CHD8: variants seen among roughly 807,000 people sequenced by gnomAD.
CHD8 encodes the protein ATP-dependent chromatin remodeler CHD8.
CHD8 carries 31 observed loss-of-function variants against 279.2 expected under a neutral mutation model. The observed-to-expected ratio is 0.11, with a 90% confidence interval of 0.08 to 0.15. CHD8 has a LOEUF of 0.15. Ranked by LOEUF, CHD8 falls within the 10% of genes least tolerant of loss-of-function variation. The pLI, the probability that CHD8 is intolerant of heterozygous loss-of-function variation, is 1.00. For synonymous variants in CHD8, 1,081 were observed against 1,139.6 expected, an observed-to-expected ratio of 0.95 and a Z score of 1.04; for missense variants, 2,146 against 3,230.5, an observed-to-expected ratio of 0.66 and a Z score of 8.14.
Position 21,397,969 on chromosome 14 carries a change from C to A in CHD8, c.4922-17G>T. The A allele has an allele frequency of 6.3e-7, 1 of 1,590,998 alleles. No individual in the cohort carries two copies. Among genetic ancestry groups the A allele is most frequent in the South Asian group, 1.1e-5 (1 of 88,534 alleles). ...TCTCATAGCCTAGAAGAAAAAGGGT[C>A]ATAGTTGAAGAAAATGAGATTTGTT... On this transcript the variant is annotated splice_polypyrimidine_tract_variant and intron_variant, in intron 26 of 37. Transcript: ENST00000646647.
At chr14:21,420,962 A>G (rs1889011659) in intron 5 of CHD8, among the ~76,000 whole-genome samples, 2 of 152,170 alleles carry the variant, frequency 1.3e-5, no homozygotes, top group African/African-American at 4.8e-5. Context: ...GGGTTTCTCC[A>G]CGTTGGTCAG....
chr14:21,386,394 T>C lies in CHD8; in HGVS notation c.7183-218A>G, dbSNP rs1161637874. 3 of 578,906 alleles carry C rather than the reference T, an allele frequency of 5.2e-6. No homozygotes were observed. In the Admixed American group the frequency reaches 9.1e-5, roughly 18 times the overall value. 35.9% of individuals were successfully genotyped at this position (578,906 alleles called of 1,614,324 possible). ...ATTCTGATACTAAAGTTAAGATCAA[T>C]GATTTTGTACCGAAACTCATATTAA... On this transcript the variant is annotated intron_variant, in intron 37 of 37. Coordinates refer to ENST00000646647, the MANE Select transcript of CHD8 (RefSeq NM_001170629.2).
Position 21,386,099 on chromosome 14 carries a change from A to G in CHD8, c.7260T>C (p.Arg2420=), listed in dbSNP as rs567681312. Residue 2420 remains arginine, a synonymous_variant, in exon 38 of 38, where the codon CGT becomes CGC. Coordinates refer to ENST00000646647, the MANE Select transcript of CHD8 (RefSeq NM_001170629.2). ...TCTTAGAAAGGTCTGGTCGCATCCT[A>G]CGGGCCCGCTTCTTGCTGCTCTCTG... is the stretch of plus-strand genomic sequence containing the variant. ...IAPESSKKRA[R]RMRPDLSKMM... The G allele has an allele frequency of 1.3e-6, 2 of 1,560,236 alleles. No homozygotes were observed. The highest frequency in any genetic ancestry group is 1.4e-5 in the African/African-American group (1 of 73,558).
Position 21,431,417 on chromosome 14 carries a change from G to A in CHD8, c.227C>T (p.Thr76Ile). 1 of 1,537,264 alleles carries A rather than the reference G, an allele frequency of 6.5e-7. No homozygotes were observed. The highest frequency in any genetic ancestry group is 8.7e-7 in the Non-Finnish European group (1 of 1,146,912). The change falls in exon 2 of 38, where the codon ACA becomes ATA. Residue 76 changes from threonine (T) to isoleucine (I), a missense_variant. This residue lies in a region of CHD8 where 302 missense variants were observed against 325.5 expected (regional missense o/e 0.93). Coordinates refer to ENST00000646647, the MANE Select transcript of CHD8 (RefSeq NM_001170629.2). ...AGCTGTGGATTCTTTGGAAAGTTCT[G>A]TGGGAGCTGTTTCCTCTGGTGGAGG... Reference protein sequence around the residue: ...LVPPPEETAPTELSKESTAPA... With the variant: ...LVPPPEETAPIELSKESTAPA...
At chr14:21,428,883 G>C in intron 3 of CHD8, 81 bp downstream of exon 3, 1 of 1,339,976 alleles carries the variant, frequency 7.5e-7, no homozygotes, top group Non-Finnish European at 1.0e-6. Context: ...CCACATTCAA[G>C]AATAAGTGGT....
chr14:21,445,235 A>T (rs1191260460), intron 1 of CHD8, among the ~76,000 whole-genome samples: 3 of 152,176 alleles, frequency 2.0e-5, no homozygotes, highest in Admixed American at 6.5e-5. Flanking sequence ...GTTCTCTTCC[A>T]TTCTGCCACT....
rs1360468125 is a variant in CHD8 at position 21,394,921 on chromosome 14, T to C, written c.5381A>G (p.Lys1794Arg). 6.2e-7 allele frequency: 1 copy of C among 1,613,672 alleles called. No individual in the cohort carries two copies. The highest frequency in any genetic ancestry group is 1.3e-5 in the African/African-American group (1 of 74,930). ...CCCAGCTATATTTTACCGTTGTTGT[T>C]TCTCCCGCCGTGCAATTTCTTTCAG... ...FKLKEIARRE[K>R]QQRWTRREQT... Residue 1794 changes from lysine to arginine, a missense_variant, in exon 30 of 38, where the codon AAA becomes AGA. This residue lies in a region of CHD8 where 513 missense variants were observed against 637.6 expected (regional missense o/e 0.80). Coordinates refer to ENST00000646647, the MANE Select transcript of CHD8 (RefSeq NM_001170629.2).
intron 1 of CHD8, among the ~76,000 whole-genome samples, chr14:21,435,313 C>G (rs745598361): frequency 2.0e-5 from 3 of 152,120 alleles, no homozygotes; most frequent in Non-Finnish European, 4.4e-5. Flanking sequence ...AATACAGTTA[C>G]CTGTAGAAAA....
intron 5 of CHD8, chr14:21,419,723 G>GC (rs1888929231): frequency 7.8e-5 from 18 of 230,118 alleles, no homozygotes; most frequent in Middle Eastern, 7.4e-4. Flanking sequence ...AACCCCCCAG[G>GC]GGCACAGTCT....
In CHD8 at chr14:21,385,469, CATTTTT is replaced by C; in HGVS notation, c.*138_*143del. ...TCTCATAATTGGGAGCAATCAGGTA[CATTTTT>C]TTTTTTTTTTCCTTTTCACCTCCTG... On this transcript the variant is annotated 3_prime_UTR_variant, in exon 38 of 38. Transcript: ENST00000646647. 9.5e-7 allele frequency: 1 copy of C among 1,056,680 alleles called. No individual in the cohort carries two copies. Among genetic ancestry groups the C allele is most frequent in the Non-Finnish European group, 1.3e-6 (1 of 761,518 alleles). The allele number at this position is 1,056,680 out of a possible 1,614,324, so 65.5% of individuals were successfully genotyped here.
At chr14:21,397,277 C>T (rs778666169) in intron 27 of CHD8, 3 of 511,568 alleles carry the variant, frequency 5.9e-6, no homozygotes, top group South Asian at 1.4e-5. Flanking sequence ...ATTCATTAAG[C>T]CAACTGTTTC....
At chr14:21,454,772 T>C (rs1890345079) in intron 1 of CHD8, among the ~76,000 whole-genome samples, 1 of 152,190 alleles carries the variant, frequency 6.6e-6, no homozygotes. Flanking sequence ...TCATAACTCT[T>C]TTTTTAAGGG....
intron 1 of CHD8, among the ~76,000 whole-genome samples, chr14:21,439,891 T>C (rs781075379): frequency 6.6e-6 from 1 of 152,240 alleles, no homozygotes; most frequent in African/African-American, 2.4e-5. Context: ...TTTCTTTCTT[T>C]GCATTACCAA....
chr14:21,385,385 C>A lies in CHD8; in HGVS notation c.*228G>T. 1 of 650,058 alleles carries A rather than the reference C, an allele frequency of 1.5e-6. No homozygotes were observed. The highest frequency in any genetic ancestry group is 2.5e-6 in the Non-Finnish European group (1 of 403,336). 40.3% of individuals were successfully genotyped at this position (650,058 alleles called of 1,614,324 possible). A position where few individuals can be genotyped will look rare whatever the true frequency, so the allele number is the denominator to read the frequency against. ...CCAGCTGCTCTAGTCTCCTTTCCTT[C>A]CCCAGAAATGAGGAAGTGGTCATGT... On this transcript the variant is annotated 3_prime_UTR_variant, in exon 38 of 38. Coordinates refer to ENST00000646647, the MANE Select transcript of CHD8 (RefSeq NM_001170629.2).
Position 21,392,004 on chromosome 14 carries a change from G to T in CHD8, c.6772-58C>A, listed in dbSNP as rs182107633. 90 of 1,288,684 alleles carry T rather than the reference G, an allele frequency of 7.0e-5. 2 individuals are homozygous for T. In the Admixed American group the frequency reaches 1.4e-3, roughly 20 times the overall value. 79.8% of individuals were successfully genotyped at this position (1,288,684 alleles called of 1,614,324 possible). On this transcript the variant is annotated intron_variant, in intron 34 of 37. Coordinates refer to ENST00000646647, the MANE Select transcript of CHD8 (RefSeq NM_001170629.2). ...TATGGTACATGTTTTTCAAAGTAAA[G>T]ATTAAGCTTTGAGGGATGTGGGCTA...
intron 6 of CHD8, 34 bp from the exon 7 acceptor site, chr14:21,415,676 T>C (rs1888691191): frequency 3.7e-6 from 6 of 1,612,904 alleles, no homozygotes; most frequent in African/African-American, 1.3e-5. Context: ...CAACAGATGA[T>C]TGTGACCAGC....
intron 5 of CHD8, among the ~76,000 whole-genome samples, chr14:21,421,612 C>T (rs1307935424): frequency 2.6e-5 from 4 of 152,106 alleles, no homozygotes; most frequent in Non-Finnish European, 1.5e-5. Flanking sequence ...GAAACACCGA[C>T]TTGCCAAAAA....
chr14:21,410,020 C>T (rs755374407), intron 10 of CHD8, 32 bp from the exon 11 acceptor site: 2 of 1,584,198 alleles, frequency 1.3e-6, no homozygotes, highest in East Asian at 2.3e-5. Context: ...CCTTAAGAAA[C>T]TGATTCTGTG....
intron 8 of CHD8, 24 bp downstream of exon 8, chr14:21,414,914 A>G: frequency 6.3e-7 from 1 of 1,588,278 alleles, no homozygotes; most frequent in Non-Finnish European, 8.6e-7. Context: ...TTGGGGTGAC[A>G]AGCTTTTTGC....
Sources: gnomAD v4.1 joint callset for allele counts (sites outside exome capture counted in the v4.1 genomes callset) on GRCh38, gnomAD v4.1.1 for gene constraint, gnomAD v4.1.1 regional missense constraint, MANE v1.5 for transcripts, NCBI Gene and HGNC (gene_info 2026-07-23, HGNC 2026-07-21) for gene names.